TLL2: variants seen among roughly 807,000 people sequenced by gnomAD.
TLL2 encodes the protein tolloid-like protein 2.
TLL2 carries 106 observed loss-of-function variants against 123.0 expected under a neutral mutation model. The ratio of observed to expected loss-of-function variants is 0.86; its 90% CI spans 0.74 to 1.01. The LOEUF (loss-of-function observed/expected upper bound fraction) is 1.01, where lower values mean the gene tolerates loss of function less well. Among genes scored for constraint, TLL2 ranks in the 50% least tolerant of loss-of-function variants. The pLI is 0.00. For synonymous variants in TLL2, 494 were observed against 516.8 expected (o/e 0.96, Z 0.60); for missense variants, 1,332 against 1,336.7 (o/e 1.00, Z 0.06).
At position 96,513,780 on chromosome 10, in the gene TLL2, G is replaced by C; in HGVS notation, c.-95C>G. On this transcript the variant is annotated 5_prime_UTR_variant, in exon 1 of 21. Transcript: ENST00000357947. ...CACACTGGGTCGGTCGGCTCCGGCC[G>C]GGACTCGGTGGTTACACAGGGCTGC... is the stretch of plus-strand genomic sequence containing the variant. The C allele has an allele frequency of 7.8e-7, 1 of 1,282,544 alleles. No individual in the cohort carries two copies. Among genetic ancestry groups the C allele is most frequent in the Non-Finnish European group, 1.0e-6 (1 of 974,034 alleles). The allele number at this position is 1,282,544 out of a possible 1,614,324, so 79.4% of individuals were successfully genotyped here.
chr10:96,468,141 C>T (rs539039154), intron 2 of TLL2, among the ~76,000 whole-genome samples: 56 of 152,284 alleles, frequency 3.7e-4, no homozygotes, highest in Admixed American at 2.2e-3. Context: ...CATTCTCTTG[C>T]GCCACAGACG....
chr10:96,470,336 C>G (rs1847166865), intron 2 of TLL2, among the ~76,000 whole-genome samples: 1 of 152,346 alleles, frequency 6.6e-6, no homozygotes, highest in African/African-American at 2.4e-5. Context: ...GCAGGCAAGG[C>G]CATCAGGCAG....
At chr10:96,383,582 A>G (rs1846204124) in intron 16 of TLL2, among the ~76,000 whole-genome samples, 1 of 152,046 alleles carries the variant, frequency 6.6e-6, no homozygotes, top group Non-Finnish European at 1.5e-5. Flanking sequence ...AGCCATGTGA[A>G]ACTGTAAGTC....
chr10:96,480,336 A>G lies in TLL2; in HGVS notation c.286+13T>C, dbSNP rs1847299708. Reference sequence around the variant, plus strand: ...TCCCATCTGGGCAGGAGAAGGGAGGAAGCAGTACCTACCTGTGCTGTGTCC... The same window carrying G: ...TCCCATCTGGGCAGGAGAAGGGAGGGAGCAGTACCTACCTGTGCTGTGTCC... On this transcript the variant is annotated intron_variant, in intron 2 of 20. Transcript: ENST00000357947. 6.2e-7 allele frequency: 1 copy of G among 1,609,316 alleles called. No homozygotes were observed. Among genetic ancestry groups the G allele is most frequent in the Non-Finnish European group, 8.5e-7 (1 of 1,175,762 alleles).
Position 96,428,724 on chromosome 10 carries a change from T to C in TLL2, c.545A>G (p.Gln182Arg), listed in dbSNP as rs1457258216. 1 of 1,613,128 alleles carries C rather than the reference T, an allele frequency of 6.2e-7. No homozygotes were observed. The highest frequency in any genetic ancestry group is 8.5e-7 in the Non-Finnish European group (1 of 1,179,516). Residue 182 changes from glutamine (Q) to arginine (R), a missense_variant, in exon 5 of 21, where the codon CAG (glutamine) becomes CGG (arginine). Transcript: ENST00000357947. Reference protein sequence around the residue: ...FTGSQRAIFKQAMRHWEKHTC... With the variant: ...FTGSQRAIFKRAMRHWEKHTC... ...GTGCTTCTCCCAGTGTCTCATGGCC[T>C]GCTTAAAAATGGCCCTCTGGCTCCC...
At chr10:96,393,795 G>A (rs968735381) in intron 13 of TLL2, among the ~76,000 whole-genome samples, 3 of 148,902 alleles carry the variant, frequency 2.0e-5, no homozygotes, top group Non-Finnish European at 4.4e-5. Context: ...ATCCTTCAGC[G>A]CCATCATGAT....
At chr10:96,499,346 G>A (rs1025321734) in intron 1 of TLL2, among the ~76,000 whole-genome samples, 1 of 152,198 alleles carries the variant, frequency 6.6e-6, no homozygotes, top group East Asian at 1.9e-4. Flanking sequence ...GGGTGGAGGT[G>A]GGGGTGGCTT....
At chr10:96,439,752 A>G (rs1846833300) in intron 3 of TLL2, among the ~76,000 whole-genome samples, 1 of 152,144 alleles carries the variant, frequency 6.6e-6, no homozygotes, top group African/African-American at 2.4e-5. Flanking sequence ...TACACTGTTA[A>G]ACCTGAAAAT....
chr10:96,384,681 CG>C lies in TLL2; in HGVS notation c.2099del (p.Pro700ArgfsTer115), dbSNP rs1564895452. 6.2e-7 allele frequency: 1 copy of C among 1,612,872 alleles called. No homozygotes were observed. Among genetic ancestry groups the C allele is most frequent in the African/African-American group, 1.3e-5 (1 of 74,908 alleles). On this transcript the variant is annotated frameshift_variant, in exon 16 of 21. Coordinates refer to ENST00000357947, the MANE Select transcript of TLL2 (RefSeq NM_012465.4). LOFTEE classifies it high-confidence loss of function. ...TGTTGCTCTGCGAGGTGATGACCTC[CG>C]GCGTCTCAGAGCCGCAGAACCTGCC... ...LHGRFCGSET[P>X]EVITSQSNNM...
At chr10:96,476,244 TA>T (rs201664447) in intron 2 of TLL2, among the ~76,000 whole-genome samples, 11,930 of 28,130 alleles carry the variant, frequency 0.42, 2,082 homozygotes, top group East Asian at 0.52. Context: ...ATATATATTT[TA>T]TTTTTGTTGT....
intron 2 of TLL2, among the ~76,000 whole-genome samples, chr10:96,470,876 T>C (rs922944516): frequency 6.6e-6 from 1 of 152,206 alleles, no homozygotes; most frequent in Non-Finnish European, 1.5e-5. Context: ...ACATAACAAA[T>C]GGTACTTGTT....
At chr10:96,484,130 C>T (rs1298851268) in intron 1 of TLL2, among the ~76,000 whole-genome samples, 1 of 152,184 alleles carries the variant, frequency 6.6e-6, no homozygotes, top group Non-Finnish European at 1.5e-5. Context: ...AGGCATGAGC[C>T]ACTTCGCCTG....
At chr10:96,474,588 T>A (rs1288788798) in intron 2 of TLL2, among the ~76,000 whole-genome samples, 5 of 151,520 alleles carry the variant, frequency 3.3e-5, no homozygotes, top group Non-Finnish European at 5.9e-5. Context: ...GGACCAGGAG[T>A]GGGAAGAGAG....
intron 4 of TLL2, among the ~76,000 whole-genome samples, chr10:96,428,955 C>T (rs113782530): frequency 1.2e-3 from 178 of 152,206 alleles, no homozygotes; most frequent in African/African-American, 3.3e-3. Context: ...TAGGCATGTG[C>T]CACCACGCCC....
chr10:96,459,557 A>C (rs1306756847), intron 2 of TLL2, among the ~76,000 whole-genome samples: 1 of 150,248 alleles, frequency 6.7e-6, no homozygotes, highest in Non-Finnish European at 1.5e-5. Context: ...AATCCCAGCT[A>C]CTCGGGAGGC....
At chr10:96,465,308 G>A (rs1279767216) in intron 2 of TLL2, among the ~76,000 whole-genome samples, 2 of 152,202 alleles carry the variant, frequency 1.3e-5, no homozygotes, top group African/African-American at 4.8e-5. Flanking sequence ...GTTTGTTTTA[G>A]AGAAGTTAAT....
At chr10:96,391,303 G>A (rs1846285349) in intron 13 of TLL2, among the ~76,000 whole-genome samples, 1 of 152,198 alleles carries the variant, frequency 6.6e-6, no homozygotes, top group Non-Finnish European at 1.5e-5. Context: ...AGCAGGTATG[G>A]GCCGGTCGTA....
At chr10:96,419,682 C>T (rs903458024) in intron 7 of TLL2, among the ~76,000 whole-genome samples, 26 of 152,134 alleles carry the variant, frequency 1.7e-4, no homozygotes, top group Admixed American at 1.4e-3. Context: ...GAGCAGTACC[C>T]CCTGAGAACT....
At chr10:96,448,000 C>G (rs1378048904) in intron 2 of TLL2, among the ~76,000 whole-genome samples, 1 of 152,160 alleles carries the variant, frequency 6.6e-6, no homozygotes, top group East Asian at 1.9e-4. Context: ...AACCCCTAGG[C>G]CTGTATGACC....
Sources: gnomAD v4.1 joint callset for allele counts (sites outside exome capture counted in the v4.1 genomes callset) on GRCh38, gnomAD v4.1.1 for gene constraint, MANE v1.5 for transcripts, NCBI Gene and HGNC (gene_info 2026-07-23, HGNC 2026-07-21) for gene names.